The following SMARCA2 variants were observed in gnomAD, a reference collection of about 807,000 sequenced individuals.
The protein encoded by SMARCA2 is SWI/SNF-related matrix-associated actin-dependent regulator of chromatin subfamily A member 2.
Under a neutral mutation model 199.8 loss-of-function variants are expected in SMARCA2, and 61 were observed. The ratio of observed to expected loss-of-function variants is 0.31; its 90% CI spans 0.25 to 0.38. The LOEUF (loss-of-function observed/expected upper bound fraction) is 0.38, where lower values mean the gene tolerates loss of function less well. Among genes scored for constraint, SMARCA2 ranks in the 10% least tolerant of loss-of-function variants. The pLI, the probability that SMARCA2 is intolerant of heterozygous loss-of-function variation, is 1.00. For missense variants in SMARCA2, 1,344 were observed against 2,012.2 expected, an observed-to-expected ratio of 0.67 and a Z score of 6.35; for synonymous variants, 935 against 732.0, an observed-to-expected ratio of 1.28 and a Z score of -4.48.
intron 29 of SMARCA2, among the ~76,000 whole-genome samples, chr9:2,177,793 C>T (rs1039720145): frequency 5.3e-5 from 8 of 152,120 alleles, no homozygotes; most frequent in African/African-American, 7.2e-5. Context: ...CTCAGGTGAT[C>T]GGCCCGCCTC....
intron 9 of SMARCA2, among the ~76,000 whole-genome samples, chr9:2,068,035 C>T (rs1820920899): frequency 6.6e-6 from 1 of 152,034 alleles, no homozygotes; most frequent in South Asian, 2.1e-4. Context: ...TCTTTGTTGG[C>T]CAAATTTGTA....
chr9:2,089,261 G>C (rs1821941114), intron 19 of SMARCA2, among the ~76,000 whole-genome samples: 1 of 152,106 alleles, frequency 6.6e-6, no homozygotes, highest in Non-Finnish European at 1.5e-5. Context: ...CCATGTTTTG[G>C]GGTTGGATGT....
chr9:2,141,166 G>A (rs1160238981), intron 27 of SMARCA2, among the ~76,000 whole-genome samples: 1 of 138,208 alleles, frequency 7.2e-6, no homozygotes, highest in Admixed American at 7.2e-5. Flanking sequence ...GACTTTTCCT[G>A]AGCCAAATTA....
intron 29 of SMARCA2, among the ~76,000 whole-genome samples, chr9:2,171,751 G>T (rs886165801): frequency 1.3e-5 from 2 of 152,170 alleles, no homozygotes; most frequent in African/African-American, 4.8e-5. Context: ...CTAATACCTA[G>T]AAAGGAGGCC....
At chr9:2,113,475 C>G (rs929508335) in intron 24 of SMARCA2, among the ~76,000 whole-genome samples, 4 of 152,138 alleles carry the variant, frequency 2.6e-5, no homozygotes, top group African/African-American at 7.2e-5. Flanking sequence ...TTCAGACCAC[C>G]GAAGTGAGAC....
chr9:2,120,774 G>A (rs968259360), intron 26 of SMARCA2, among the ~76,000 whole-genome samples: 3 of 152,002 alleles, frequency 2.0e-5, no homozygotes, highest in African/African-American at 7.3e-5. Flanking sequence ...TTCTCCCTCC[G>A]TCCCCGAAAT....
In SMARCA2 at chr9:2,056,926, A is replaced by C. The variant is rs1250219661; in HGVS notation, c.1347+81A>C. ...TCATCAAATGGGGTCAGAATGACTG[A>C]AAAATGGACCCTTGTGGGTGGTGGG... On this transcript the variant is annotated intron_variant, in intron 7 of 33. Transcript: ENST00000349721. This position sits in a 1 kb window ranked among gnomAD's most constrained non-coding sequence, Gnocchi z 4.0. 10 of 1,303,572 alleles carry C rather than the reference A, an allele frequency of 7.7e-6. 1 individual carries two copies. The East Asian group carries it at 2.5e-4, about 32-fold the overall frequency. 80.8% of individuals were successfully genotyped at this position (1,303,572 alleles called of 1,614,324 possible).
intron 28 of SMARCA2, among the ~76,000 whole-genome samples, chr9:2,164,632 A>T (rs188418730): frequency 3.9e-5 from 6 of 152,300 alleles, no homozygotes; most frequent in Admixed American, 3.9e-4. Flanking sequence ...GTCCTTGCTG[A>T]TGCTGATTTC....
intron 24 of SMARCA2, among the ~76,000 whole-genome samples, chr9:2,114,772 A>T (rs1823145829): frequency 6.6e-6 from 1 of 152,208 alleles, no homozygotes; most frequent in South Asian, 2.1e-4. Context: ...AAAAAGCAAA[A>T]TGTAAGCAAA....
At chr9:2,067,448 T>G (rs1820893480) in intron 9 of SMARCA2, among the ~76,000 whole-genome samples, 1 of 152,184 alleles carries the variant, frequency 6.6e-6, no homozygotes, top group Non-Finnish European at 1.5e-5. Context: ...CAGTCTTAAT[T>G]ATAGACATAA....
chr9:2,132,751 G>C (rs1586738122), intron 27 of SMARCA2, among the ~76,000 whole-genome samples: 1 of 152,180 alleles, frequency 6.6e-6, no homozygotes, highest in East Asian at 1.9e-4. Flanking sequence ...CAATACTTTA[G>C]GGTGGAAGTA....
chr9:2,060,748 C>A, intron 8 of SMARCA2, 68 bp from the exon 9 acceptor site: 2 of 1,448,944 alleles, frequency 1.4e-6, no homozygotes, highest in Non-Finnish European at 1.9e-6. Context: ...AAGGGGAGGA[C>A]AGAGTGGAGA....
At chr9:2,127,233 C>G (rs954464398) in intron 27 of SMARCA2, among the ~76,000 whole-genome samples, 1 of 152,148 alleles carries the variant, frequency 6.6e-6, no homozygotes, top group Non-Finnish European at 1.5e-5. Context: ...GCTTTCCTGA[C>G]TAGTTGATAA....
At chr9:2,077,844 C>T (rs1026428415) in intron 14 of SMARCA2, 68 bp downstream of exon 14, 18 of 1,425,032 alleles carry the variant, frequency 1.3e-5, no homozygotes, top group African/African-American at 9.9e-5. Flanking sequence ...TGAAGTATGT[C>T]GTGCACATGT....
chr9:2,060,118 C>CAAAAAAAAAAAAAA (rs372329238), intron 8 of SMARCA2, among the ~76,000 whole-genome samples: 4 of 62,414 alleles, frequency 6.4e-5, no homozygotes, highest in African/African-American at 1.8e-4. Context: ...GATCTGTGGC[C>CAAAAAAAAAAAAAA]AAAAAAAAAA....
chr9:2,062,795 T>A (rs1820659825), intron 9 of SMARCA2, among the ~76,000 whole-genome samples: 1 of 151,958 alleles, frequency 6.6e-6, no homozygotes, highest in Non-Finnish European at 1.5e-5. Flanking sequence ...CACAGTTTAA[T>A]CAGAGAGAGA....
At chr9:2,155,052 C>T (rs943653062) in intron 27 of SMARCA2, among the ~76,000 whole-genome samples, 1 of 152,104 alleles carries the variant, frequency 6.6e-6, no homozygotes, top group Non-Finnish European at 1.5e-5. Context: ...TTTGATTCTA[C>T]CCCAGGGAGC....
chr9:2,168,561 A>G (rs747769064), intron 28 of SMARCA2, among the ~76,000 whole-genome samples: 1 of 152,150 alleles, frequency 6.6e-6, no homozygotes, highest in Middle Eastern at 3.2e-3. Context: ...CTTTATTTGA[A>G]GTGCGTTAGG....
chr9:2,135,465 A>T (rs1476060783), intron 27 of SMARCA2, among the ~76,000 whole-genome samples: 3 of 152,138 alleles, frequency 2.0e-5, no homozygotes, highest in Non-Finnish European at 4.4e-5. Flanking sequence ...TCAGTCACCC[A>T]GTTAATGGTA....
Sources: allele counts gnomAD v4.1 joint callset (sites outside exome capture counted in the v4.1 genomes callset), GRCh38; gene constraint gnomAD v4.1.1; non-coding constraint Gnocchi (gnomAD v3.1); transcripts MANE v1.5; gene names NCBI Gene and HGNC (gene_info 2026-07-23, HGNC 2026-07-21).